Variants in RTEL1 observed in about 807,000 individuals in gnomAD.
RTEL1 encodes the protein regulator of telomere length.
A neutral mutation model predicts 162.2 loss-of-function variants in RTEL1; 86 were observed. That is an observed-to-expected ratio of 0.53 (90% CI 0.45 to 0.63). The LOEUF (loss-of-function observed/expected upper bound fraction) is 0.63, where lower values mean the gene tolerates loss of function less well. Ranked by LOEUF, RTEL1 falls within the 30% of genes least tolerant of loss-of-function variation. The pLI, the probability that RTEL1 is intolerant of heterozygous loss-of-function variation, is 0.00. For synonymous variants in RTEL1, 958 were observed against 717.9 expected, an observed-to-expected ratio of 1.33 and a Z score of -5.35; for missense variants, 1,941 against 1,750.2, an observed-to-expected ratio of 1.11 and a Z score of -1.95.
At chr20:63,688,675 A>G (rs994895085) in intron 21 of RTEL1, 70 bp downstream of exon 21, 25 of 1,439,718 alleles carry the variant, frequency 1.7e-5, no homozygotes, top group Middle Eastern at 3.7e-4. Flanking sequence ...AGCTTCCCCA[A>G]GGCTGACCAC....
chr20:63,689,033 G>C, intron 21 of RTEL1, 22 bp from the exon 22 acceptor site: 1 of 1,605,846 alleles, frequency 6.2e-7, no homozygotes. Context: ...TCCAGGCTCA[G>C]CCTCACCAAC....
rs930464846 is a variant in RTEL1, at chr20:63,692,817, G to T, written c.2665G>T (p.Ala889Ser). 1 of 1,611,170 alleles carries T rather than the reference G, an allele frequency of 6.2e-7. No individual in the cohort carries two copies. The highest frequency in any genetic ancestry group is 8.5e-7 in the Non-Finnish European group (1 of 1,178,800). Residue 889 changes from alanine to serine, a missense_variant, in exon 29 of 35, where the codon GCT (alanine) becomes TCT (serine). Transcript: ENST00000360203. ...RLVSHPEEPVAGAQTDRAKLF... is the reference protein window; with the variant it reads ...RLVSHPEEPVSGAQTDRAKLF... ...CTGTGTCCTGCAGGAGGAGCCCGTGGCTGGTGCACAGACGGACAGGGCCAA... is the reference window on the plus strand; with the variant it reads ...CTGTGTCCTGCAGGAGGAGCCCGTGTCTGGTGCACAGACGGACAGGGCCAA...
Position 63,667,458 on chromosome 20 carries a change from C to T in RTEL1, c.615-11C>T, listed in dbSNP as rs765023752. ...GGGTGCTCACAGGATCTTCTCCTCT[C>T]TCCTTCCCAGGGTGTGCCCTTACTA... On this transcript the variant is annotated splice_polypyrimidine_tract_variant and intron_variant, in intron 7 of 34. Transcript: ENST00000360203. 6.2e-7 allele frequency: 1 copy of T among 1,610,460 alleles called. No individual in the cohort carries two copies. The highest frequency in any genetic ancestry group is 2.2e-5 in the East Asian group (1 of 44,860).
At chr20:63,684,961 T>A (rs1322709627) in intron 14 of RTEL1, among the ~76,000 whole-genome samples, 1 of 151,624 alleles carries the variant, frequency 6.6e-6, no homozygotes, top group African/African-American at 2.4e-5. Context: ...CACTGCAGCC[T>A]CAACCTCCTG....
chr20:63,689,438 TG>T, intron 22 of RTEL1, 63 bp from the exon 23 acceptor site: 1 of 1,458,350 alleles, frequency 6.9e-7, no homozygotes. Context: ...GTGGCTGGGC[TG>T]GGTGTGGGCA....
chr20:63,678,804 CA>C (rs2090423503), intron 12 of RTEL1, among the ~76,000 whole-genome samples: 1 of 145,794 alleles, frequency 6.9e-6, no homozygotes, highest in Non-Finnish European at 1.5e-5. Flanking sequence ...ACAGCACACA[CA>C]CTCCCACGGA....
At chr20:63,671,573 C>T (rs1601112159) in intron 8 of RTEL1, among the ~76,000 whole-genome samples, 1 of 150,910 alleles carries the variant, frequency 6.6e-6, no homozygotes, top group East Asian at 2.0e-4. Context: ...GCTCTGCCTC[C>T]TGGGTTCACG....
intron 14 of RTEL1, chr20:63,680,976 G>A (rs772082483): frequency 1.5e-5 from 15 of 985,382 alleles, no homozygotes; most frequent in Non-Finnish European, 1.8e-5. Context: ...AAGGACAGTG[G>A]GGGCCGGGGA....
Position 63,685,789 on chromosome 20 carries a change from A to C in RTEL1, c.1267-2A>C. The C allele has an allele frequency of 2.5e-6, 4 of 1,611,762 alleles. No homozygotes were observed. Among genetic ancestry groups the C allele is most frequent in the Non-Finnish European group, 3.4e-6 (4 of 1,179,570 alleles). ...CCACACTCCTGGTCCTGTCCCCTCC[A>C]GGTGCACATCCATCCTGATGCTGGT... On this transcript the variant is annotated splice_acceptor_variant, in intron 15 of 34. Transcript: ENST00000360203. LOFTEE classifies it high-confidence loss of function.
At chr20:63,693,373 G>A (rs1018345599) in intron 30 of RTEL1, 90 bp downstream of exon 30, 61 of 1,479,824 alleles carry the variant, frequency 4.1e-5, no homozygotes, top group Admixed American at 2.8e-4. Context: ...GGCATCCTCG[G>A]GCCCTGCTTG....
intron 10 of RTEL1, 35 bp downstream of exon 10, chr20:63,674,128 C>G (rs751168660): frequency 1.3e-6 from 2 of 1,565,692 alleles, no homozygotes; most frequent in East Asian, 2.3e-5. Flanking sequence ...GTCCTGAGGC[C>G]TGCGCTGCTG....
intron 30 of RTEL1, 45 bp downstream of exon 30, chr20:63,693,328 G>C: frequency 6.2e-7 from 1 of 1,606,644 alleles, no homozygotes. Flanking sequence ...TGCGTGGAAG[G>C]CAGTGTGGGC....
chr20:63,681,404 C>G, intron 14 of RTEL1: 1 of 985,312 alleles, frequency 1.0e-6, no homozygotes, highest in South Asian at 4.7e-5. Flanking sequence ...CTGGGGAAGC[C>G]AAGGCACAGG....
chr20:63,669,195 A>G (rs887861242), intron 8 of RTEL1, among the ~76,000 whole-genome samples: 1 of 152,206 alleles, frequency 6.6e-6, no homozygotes, highest in Non-Finnish European at 1.5e-5. Flanking sequence ...TGAGAGAGGA[A>G]ATGAAGGTTG....
intron 10 of RTEL1, 68 bp from the exon 11 acceptor site, chr20:63,678,077 G>A: frequency 6.3e-7 from 1 of 1,584,402 alleles, no homozygotes; most frequent in African/African-American, 1.3e-5. Flanking sequence ...AGGAATCCTG[G>A]TTCTCAAGGG....
intron 7 of RTEL1, among the ~76,000 whole-genome samples, chr20:63,666,926 G>A (rs973279715): frequency 7.7e-5 from 11 of 143,470 alleles, no homozygotes; most frequent in Admixed American, 3.0e-4. Flanking sequence ...TGCAAGCTCC[G>A]CCTCCCGAGT....
At position 63,689,806 on chromosome 20, in the gene RTEL1, C is replaced by T. The variant is rs2145428995; in HGVS notation, c.2082C>T (p.Ala694=). The stretch of plus-strand genomic sequence containing the variant: ...AGGCGTCCAGGGCTGTGAACCAGGC[C>T]ATCGGGCGAGTGATCCGGCACCGCC... ...RQQASRAVNQ[A]IGRVIRHRQD... Residue 694 remains alanine, a synonymous_variant, in exon 24 of 35, where the codon GCC becomes GCT. Transcript: ENST00000360203. 1 of 1,612,156 alleles carries T rather than the reference C, an allele frequency of 6.2e-7. No individual in the cohort carries two copies. Among genetic ancestry groups the T allele is most frequent in the Non-Finnish European group, 8.5e-7 (1 of 1,179,782 alleles).
chr20:63,690,464 G>T, intron 26 of RTEL1, 23 bp downstream of exon 26: 1 of 1,542,158 alleles, frequency 6.5e-7, no homozygotes. Flanking sequence ...AGCGCTGGGT[G>T]GGCGGTGTGG....
rs1601199859 is a variant in RTEL1 at position 63,695,429 on chromosome 20, G to A, written c.3601G>A (p.Gly1201Ser). The A allele has an allele frequency of 6.4e-7, 1 of 1,569,616 alleles. No individual in the cohort carries two copies. ...GTVGAGGEDA[G>S]PSQSSGPPHG... ...TGTGGGGGCGGGCGGTGAGGATGCA[G>A]GTCCCAGCCAGTCCTCAGGACCTCC... The change falls in exon 34 of 35, where the codon GGT becomes AGT. Residue 1201 changes from glycine to serine, a missense_variant. By Grantham distance (56) the Gly-to-Ser change is moderately conservative. Transcript: ENST00000360203.
Sources: gnomAD v4.1 joint callset for allele counts (sites outside exome capture counted in the v4.1 genomes callset) on GRCh38, gnomAD v4.1.1 for gene constraint, MANE v1.5 for transcripts, NCBI Gene and HGNC (gene_info 2026-07-23, HGNC 2026-07-21) for gene names.